The following CDH7 variants were observed in gnomAD, a reference collection of about 807,000 sequenced individuals.
CDH7 encodes the protein cadherin 7.
In CDH7, 25 loss-of-function variants were observed where a neutral mutation model predicts 71.8. That is an observed-to-expected ratio of 0.35 (90% CI 0.25 to 0.49). The LOEUF is 0.49. Ranked by LOEUF, CDH7 falls within the 20% of genes least tolerant of loss-of-function variation. CDH7 has a pLI of 0.99. For missense variants in CDH7, 862 were observed against 974.6 expected (o/e 0.88, Z 1.54); for synonymous variants, 381 against 363.8 (o/e 1.05, Z -0.54).
chr18:65,768,878 G>A (rs988200641), intron 2 of CDH7, among the ~76,000 whole-genome samples: 3 of 151,960 alleles, frequency 2.0e-5, no homozygotes, highest in Non-Finnish European at 2.9e-5. Context: ...TTGTATCCAA[G>A]AAAATCTCTT....
intron 6 of CDH7, among the ~76,000 whole-genome samples, chr18:65,832,309 C>G (rs571284962): frequency 6.6e-6 from 1 of 151,588 alleles, no homozygotes; most frequent in African/African-American, 2.4e-5. Context: ...GCATAGAATT[C>G]TTTTAGAATC....
intron 7 of CDH7, among the ~76,000 whole-genome samples, chr18:65,845,663 A>G (rs1296030856): frequency 6.6e-6 from 1 of 152,072 alleles, no homozygotes; most frequent in Non-Finnish European, 1.5e-5. Context: ...TTCTGCTTGA[A>G]TCATTTAATT....
At chr18:65,859,886 T>G (rs954511993) in intron 10 of CDH7, 61 bp downstream of exon 10, 2 of 1,009,420 alleles carry the variant, frequency 2.0e-6, no homozygotes, top group African/African-American at 3.2e-5. Flanking sequence ...AGCAAGTATT[T>G]TTCTCCCCAG....
chr18:65,843,004 T>C (rs1333488396), intron 6 of CDH7, among the ~76,000 whole-genome samples: 1 of 152,178 alleles, frequency 6.6e-6, no homozygotes, highest in Non-Finnish European at 1.5e-5. Context: ...CATGTTATTG[T>C]CACAAACAAC....
chr18:65,764,267 C>A lies in CDH7; in HGVS notation c.210+1215C>A, dbSNP rs1020074367. On this transcript the variant is annotated intron_variant, in intron 2 of 11. Transcript: ENST00000397968. ...TATATTTATTATTTTATTTATGTCT[C>A]TATATTTTATAAATACTGACTTTTA... is the stretch of plus-strand genomic sequence containing the variant. Among the ~76,000 whole-genome samples, 8 of 151,918 alleles carry A rather than the reference C, an allele frequency of 5.3e-5. No homozygotes were observed. The East Asian group carries it at 7.7e-4, about 15-fold the overall frequency.
intron 2 of CDH7, among the ~76,000 whole-genome samples, chr18:65,797,092 T>G (rs1438744427): frequency 6.6e-6 from 1 of 152,128 alleles, no homozygotes; most frequent in African/African-American, 2.4e-5. Context: ...CCAGGTGGTG[T>G]TAGTGGTGGC....
At chr18:65,807,367 A>C (rs1257000765) in intron 2 of CDH7, among the ~76,000 whole-genome samples, 1 of 152,204 alleles carries the variant, frequency 6.6e-6, no homozygotes, top group Non-Finnish European at 1.5e-5. Context: ...GGGACATTGT[A>C]GCACCATGCC....
intron 7 of CDH7, among the ~76,000 whole-genome samples, chr18:65,847,661 G>A (rs1305789558): frequency 1.3e-5 from 2 of 151,890 alleles, no homozygotes; most frequent in Non-Finnish European, 2.9e-5. Context: ...AGAAAGACTG[G>A]GGCACCTATA....
intron 2 of CDH7, among the ~76,000 whole-genome samples, chr18:65,787,038 A>G (rs1910540508): frequency 6.6e-6 from 1 of 151,984 alleles, no homozygotes; most frequent in South Asian, 2.1e-4. Context: ...TTTCCCTGAC[A>G]CAAGACTGTC....
intron 2 of CDH7, among the ~76,000 whole-genome samples, chr18:65,767,351 T>C (rs1180604571): frequency 1.3e-5 from 2 of 152,180 alleles, no homozygotes; most frequent in East Asian, 3.8e-4. Context: ...AGTTTCATAT[T>C]GAAAATAGGT....
intron 6 of CDH7, among the ~76,000 whole-genome samples, chr18:65,835,010 C>A (rs1912484535): frequency 6.6e-6 from 1 of 152,108 alleles, no homozygotes; most frequent in Middle Eastern, 3.2e-3. Flanking sequence ...TTATGCTGAT[C>A]TTAAGTGGGC....
chr18:65,767,699 T>C (rs1171145507), intron 2 of CDH7, among the ~76,000 whole-genome samples: 5 of 152,220 alleles, frequency 3.3e-5, no homozygotes, highest in Non-Finnish European at 7.3e-5. Context: ...TGCTGATAGA[T>C]GTGTGGAATT....
intron 2 of CDH7, among the ~76,000 whole-genome samples, chr18:65,777,843 C>G (rs1910007474): frequency 6.6e-6 from 1 of 152,090 alleles, no homozygotes; most frequent in Non-Finnish European, 1.5e-5. Context: ...GATTGTATCT[C>G]TTTGAGAAGT....
intron 6 of CDH7, among the ~76,000 whole-genome samples, chr18:65,834,359 A>T (rs188559516): frequency 8.2e-4 from 125 of 152,306 alleles, no homozygotes; most frequent in African/African-American, 2.9e-3. Context: ...GTACATTCTT[A>T]TGTCTAGGAG....
chr18:65,765,877 G>C (rs912733753), intron 2 of CDH7, among the ~76,000 whole-genome samples: 4 of 151,944 alleles, frequency 2.6e-5, no homozygotes, highest in Non-Finnish European at 5.9e-5. Flanking sequence ...CTATAAAATA[G>C]AAAAATGGTA....
chr18:65,821,972 A>C, intron 4 of CDH7, 109 bp from the exon 5 acceptor site: 1 of 795,324 alleles, frequency 1.3e-6, no homozygotes, highest in Non-Finnish European at 2.1e-6. Context: ...AGTAAACAAA[A>C]CAACAAAAGG....
Position 65,880,468 on chromosome 18 carries a change from A to G in CDH7, c.1932A>G (p.Arg644=). 1.9e-6 allele frequency: 3 copies of G among 1,589,620 alleles called. 1 individual carries two copies. In the South Asian group the frequency reaches 3.5e-5, roughly 18 times the overall value. The stretch of plus-strand genomic sequence containing the variant: ...AGCCCCTTATTTTTGACGAAGAAAG[A>G]GACATCAGAGAAAATATTGTGAGAT... ...KKEPLIFDEE[R]DIRENIVRYD... Residue 644 remains arginine (R), a synonymous_variant, in exon 12 of 12, where the codon AGA becomes AGG. Transcript: ENST00000397968.
intron 6 of CDH7, among the ~76,000 whole-genome samples, chr18:65,826,522 A>T (rs529276677): frequency 6.8e-6 from 1 of 147,414 alleles, no homozygotes; most frequent in African/African-American, 2.5e-5. Flanking sequence ...TTTTATTCAA[A>T]AATTATTAAA....
intron 2 of CDH7, among the ~76,000 whole-genome samples, chr18:65,807,031 C>T (rs1320364011): frequency 5.3e-5 from 8 of 151,910 alleles, no homozygotes; most frequent in Admixed American, 5.2e-4. Context: ...AGTGATGGTA[C>T]CAGCTGGGAG....
Sources: allele counts gnomAD v4.1 joint callset (sites outside exome capture counted in the v4.1 genomes callset), GRCh38; gene constraint gnomAD v4.1.1; transcripts MANE v1.5; gene names NCBI Gene and HGNC (gene_info 2026-07-23, HGNC 2026-07-21).